SYNPO2L: variants seen among roughly 807,000 people sequenced by gnomAD.
The protein encoded by SYNPO2L is synaptopodin 2 like, also known as synaptopodin 2-like protein.
In SYNPO2L, 34 loss-of-function variants were observed where a neutral mutation model predicts 47.5. The ratio of observed to expected loss-of-function variants is 0.72; its 90% CI spans 0.54 to 0.95. The LOEUF (loss-of-function observed/expected upper bound fraction) is 0.95. SYNPO2L is among the 40% of genes least tolerant of loss of function. SYNPO2L has a pLI of 0.00. For synonymous variants in SYNPO2L, 536 were observed against 524.9 expected (o/e 1.02, Z -0.29); for missense variants, 1,246 against 1,282.0 (o/e 0.97, Z 0.43).
In SYNPO2L at chr10:73,645,491, T is replaced by C. The variant is rs111909088; in HGVS notation, c.*1227A>G. The C allele has an allele frequency of 3.7e-4, 371 of 992,614 alleles. 11 individuals are homozygous for C. The African/African-American group carries it at 5.6e-3, about 15-fold the overall frequency. The allele number at this position is 992,614 out of a possible 1,614,324, so 61.5% of individuals were successfully genotyped here. A position where few individuals can be genotyped will look rare whatever the true frequency, so the allele number is the denominator to read the frequency against. On this transcript the variant is annotated 3_prime_UTR_variant, in exon 4 of 4. Transcript: ENST00000394810. ...CTCATGAGGCAATGAAGCCAATGAT[T>C]TGTTCATTCTCGGAGGGAATTTTCT...
chr10:73,650,736 A>G (rs1442901570), intron 3 of SYNPO2L: 4 of 985,392 alleles, frequency 4.1e-6, no homozygotes, highest in Non-Finnish European at 4.8e-6. Flanking sequence ...TTGACATGTG[A>G]CCACAGCATC....
In SYNPO2L at chr10:73,655,923, C is replaced by A; in HGVS notation, c.-1G>T. 1.3e-6 allele frequency: 2 copies of A among 1,550,464 alleles called. No homozygotes were observed. Among genetic ancestry groups the A allele is most frequent in the Non-Finnish European group, 1.7e-6 (2 of 1,146,514 alleles). On this transcript the variant is annotated 5_prime_UTR_variant, in exon 1 of 4. Coordinates refer to ENST00000394810, the MANE Select transcript of SYNPO2L (RefSeq NM_001114133.3). ...CCAGCACCTCCTCCTCAGCACCCAT[C>A]GCTCAGCTTGGCCTATGGCCCCCGG...
chr10:73,645,742 T>C lies in SYNPO2L; in HGVS notation c.*976A>G. On this transcript the variant is annotated 3_prime_UTR_variant, in exon 4 of 4. Transcript: ENST00000394810. ...TGGTCTCTAAGGAGTTATTCTCTAG[T>C]GAATCTCTTTCTCCCACTCAACTCC... The C allele has an allele frequency of 1.0e-6, 1 of 985,952 alleles. No individual in the cohort carries two copies. The highest frequency in any genetic ancestry group is 1.2e-6 in the Non-Finnish European group (1 of 830,000). 61.1% of individuals were successfully genotyped at this position (985,952 alleles called of 1,614,324 possible). A position where few individuals can be genotyped will look rare whatever the true frequency, so the allele number is the denominator to read the frequency against.
In SYNPO2L at chr10:73,647,729, C is replaced by A. The variant is rs113374956; in HGVS notation, c.1923G>T (p.Lys641Asn). ...GGTTGGGCGAGTTCTTCGTCTCCTCCTTTCCCGGCCGGAACATCTGCTTCC... is the reference window on the plus strand; with the variant it reads ...GGTTGGGCGAGTTCTTCGTCTCCTCATTTCCCGGCCGGAACATCTGCTTCC... The part of the protein sequence containing the change: ...GTRKQMFRPG[K>N]EETKNSPNPE... Residue 641 changes from lysine (K) to asparagine (N), a missense_variant, in exon 4 of 4, where the codon AAG becomes AAT. By Grantham distance (94) the Lys-to-Asn change is moderately conservative (BLOSUM62 0). This residue lies in a region of SYNPO2L where 1,037 missense variants were observed against 1,021.5 expected (regional missense o/e 1.02). Transcript: ENST00000394810. The A allele has an allele frequency of 5.6e-6, 9 of 1,614,124 alleles. No individual in the cohort carries two copies. In the Admixed American group the frequency reaches 1.3e-4, roughly 24 times the overall value.
chr10:73,651,095 G>T, intron 3 of SYNPO2L: 1 of 1,453,750 alleles, frequency 6.9e-7, no homozygotes, highest in Non-Finnish European at 9.1e-7. Flanking sequence ...CCCCAGAGCT[G>T]GCAGCTGAAT....
At position 73,648,518 on chromosome 10, in the gene SYNPO2L, C is replaced by T. The variant is rs760050486; in HGVS notation, c.1134G>A (p.Gly378=). 1.9e-6 allele frequency: 3 copies of T among 1,614,034 alleles called. No individual in the cohort carries two copies. Among genetic ancestry groups the T allele is most frequent in the Non-Finnish European group, 2.5e-6 (3 of 1,179,986 alleles). Residue 378 remains glycine, a synonymous_variant, in exon 4 of 4, where the codon GGG becomes GGA. Transcript: ENST00000394810. ...ASEGQGSGLG[G]QLSEVSGRGV... ...CTCGCCCAGAGACCTCACTCAGCTG[C>T]CCTCCCAGCCCAGAGCCCTGGCCCT...
rs1263738370 is a variant in SYNPO2L at position 73,647,041 on chromosome 10, G to A, written c.2611C>T (p.Pro871Ser). Reference protein sequence around the residue: ...MFCFDEVPPTPGPIASGSPKT... With the variant: ...MFCFDEVPPTSGPIASGSPKT... ...GGGGACCCTGAGGCGATAGGGCCAG[G>A]AGTCGGGGGAACCTCATCAAAACAG... Residue 871 changes from proline (P) to serine (S), a missense_variant, in exon 4 of 4, where the codon CCT becomes TCT. This residue lies in a region of SYNPO2L where 1,037 missense variants were observed against 1,021.5 expected (regional missense o/e 1.02). Coordinates refer to ENST00000394810, the MANE Select transcript of SYNPO2L (RefSeq NM_001114133.3). 1 of 1,613,984 alleles carries A rather than the reference G, an allele frequency of 6.2e-7. No homozygotes were observed.
chr10:73,646,036 G>C lies in SYNPO2L; in HGVS notation c.*682C>G, dbSNP rs188178616. 212 of 953,642 alleles carry C rather than the reference G, an allele frequency of 2.2e-4. 1 individual carries two copies. The East Asian group carries it at 0.017, about 78-fold the overall frequency. 59.1% of individuals were successfully genotyped at this position (953,642 alleles called of 1,614,324 possible). A position where few individuals can be genotyped will look rare whatever the true frequency, so the allele number is the denominator to read the frequency against. On this transcript the variant is annotated 3_prime_UTR_variant, in exon 4 of 4. Transcript: ENST00000394810. ...AAATGGGGTTTCACCGTGTTAGCCA[G>C]GATGGTCTCGATCTCCTGACCTCGT... is the stretch of plus-strand genomic sequence containing the variant.
chr10:73,647,461 AT>A lies in SYNPO2L; in HGVS notation c.2190del (p.Ser731LeufsTer9), dbSNP rs756499481. 7 of 1,598,502 alleles carry A rather than the reference AT, an allele frequency of 4.4e-6. No homozygotes were observed. Among genetic ancestry groups the A allele is most frequent in the Non-Finnish European group, 6.0e-6 (7 of 1,170,422 alleles). Reference protein sequence around the residue: ...KTPPPVAPKPPSRGLLDGLVN... With the variant: ...KTPPPVAPKPXSRGLLDGLVN... ...ACGAGCCCATCAAGGAGCCCTCGAG[AT>A]GGGGGCTTAGGAGCCACTGGGGGTG... On this transcript the variant is annotated frameshift_variant, in exon 4 of 4. Transcript: ENST00000394810. LOFTEE classifies it high-confidence loss of function.
Position 73,648,227 on chromosome 10 carries a change from T to C in SYNPO2L, c.1425A>G (p.Leu475=), listed in dbSNP as rs1047748267. ...NRSARPFTPG[L]QGQRPTTTSV... is the part of the protein sequence containing the mutation. Reference sequence around the variant, plus strand: ...AGGTGGTAGTTGGCCGCTGCCCTTGTAGGCCCGGGGTAAAGGGCCTGGCTG... The same window carrying C: ...AGGTGGTAGTTGGCCGCTGCCCTTGCAGGCCCGGGGTAAAGGGCCTGGCTG... Residue 475 remains leucine, a synonymous_variant, in exon 4 of 4, where the codon CTA becomes CTG. Transcript: ENST00000394810. 3 of 1,585,088 alleles carry C rather than the reference T, an allele frequency of 1.9e-6. No individual in the cohort carries two copies. The highest frequency in any genetic ancestry group is 2.2e-5 in the East Asian group (1 of 44,492).
intron 3 of SYNPO2L, chr10:73,650,389 T>G: frequency 1.7e-6 from 1 of 574,328 alleles, no homozygotes; most frequent in Non-Finnish European, 2.2e-6. Flanking sequence ...CAGAGTTCAG[T>G]TCAGGTTTTT....
chr10:73,655,261 G>A (rs189992234), intron 1 of SYNPO2L, among the ~76,000 whole-genome samples: 10 of 152,224 alleles, frequency 6.6e-5, no homozygotes, highest in Middle Eastern at 3.4e-3. Context: ...AAAGGATAAT[G>A]ACTTCATCTG....
chr10:73,650,416 A>T (rs1374619054), intron 3 of SYNPO2L, among the ~76,000 whole-genome samples: 1 of 152,160 alleles, frequency 6.6e-6, no homozygotes, highest in Non-Finnish European at 1.5e-5. Flanking sequence ...TGGGATAGTT[A>T]CCTCACCTCA....
intron 3 of SYNPO2L, among the ~76,000 whole-genome samples, chr10:73,652,095 A>G (rs1318117755): frequency 1.8e-5 from 2 of 111,858 alleles, no homozygotes; most frequent in Non-Finnish European, 3.2e-5. Context: ...AAAAAACCAG[A>G]AAAAAAAAAG....
At chr10:73,650,762 G>A (rs1564994042) in intron 3 of SYNPO2L, 1 of 1,322,042 alleles carries the variant, frequency 7.6e-7, no homozygotes, top group Non-Finnish European at 9.7e-7. Flanking sequence ...GAAAGGGGCA[G>A]TGAAACTCTC....
chr10:73,654,941 C>T (rs1212902465), intron 1 of SYNPO2L, among the ~76,000 whole-genome samples: 1 of 152,136 alleles, frequency 6.6e-6, no homozygotes, highest in Non-Finnish European at 1.5e-5. Context: ...CTCTACTAGG[C>T]CTTGTAACCC....
chr10:73,647,972 G>A lies in SYNPO2L; in HGVS notation c.1680C>T (p.Thr560=), dbSNP rs745364754. The change falls in exon 4 of 4, where the codon ACC becomes ACT. Residue 560 remains threonine (T), a synonymous_variant. Transcript: ENST00000394810. ...CGGGGGGCTCTGGAGCTCCACCTGG[G>A]GTGACAGGCCGACTAGGGGCTGGGA... The part of the protein sequence containing the change: ...LYIPAPSRPV[T]PGGAPEPPAP... The A allele has an allele frequency of 1.9e-6, 3 of 1,541,328 alleles. No individual in the cohort carries two copies. The highest frequency in any genetic ancestry group is 1.8e-4 in the Middle Eastern group (1 of 5,690).
Position 73,648,876 on chromosome 10 carries a change from A to C in SYNPO2L, c.776T>G (p.Leu259Arg). 6.7e-7 allele frequency: 1 copy of C among 1,503,706 alleles called. No individual in the cohort carries two copies. The highest frequency in any genetic ancestry group is 8.9e-7 in the Non-Finnish European group (1 of 1,129,808). The allele number at this position is 1,503,706 out of a possible 1,614,324, so 93.1% of individuals were successfully genotyped here. The change falls in exon 4 of 4, where the codon CTG (leucine) becomes CGG (arginine). Residue 259 changes from leucine to arginine, a missense_variant. Coordinates refer to ENST00000394810, the MANE Select transcript of SYNPO2L (RefSeq NM_001114133.3). Reference sequence around the variant, plus strand: ...CTCTTGGAGGCTCTCTGCACGTTGCAGTTCTGGGGAGGCCAAGAGGTAAAA... The same window carrying C: ...CTCTTGGAGGCTCTCTGCACGTTGCCGTTCTGGGGAGGCCAAGAGGTAAAA... Reference protein sequence around the residue: ...TYTQKAKQAKLQRAESLQEKS... With the variant: ...TYTQKAKQAKRQRAESLQEKS...
Position 73,648,866 on chromosome 10 carries a change from T to A in SYNPO2L, c.786A>T (p.Ala262=). Residue 262 remains alanine, a synonymous_variant, in exon 4 of 4, where the codon GCA becomes GCT. Transcript: ENST00000394810. ...TTATGCTCTTCTCTTGGAGGCTCTC[T>A]GCACGTTGCAGTTCTGGGGAGGCCA... ...QKAKQAKLQR[A]ESLQEKSIKE... The A allele has an allele frequency of 6.6e-7, 1 of 1,522,248 alleles. No individual in the cohort carries two copies. The highest frequency in any genetic ancestry group is 8.8e-7 in the Non-Finnish European group (1 of 1,136,458). 94.3% of individuals were successfully genotyped at this position (1,522,248 alleles called of 1,614,324 possible).
Sources: allele counts gnomAD v4.1 joint callset (sites outside exome capture counted in the v4.1 genomes callset), GRCh38; gene constraint gnomAD v4.1.1; regional missense constraint gnomAD v4.1.1; transcripts MANE v1.5; gene names NCBI Gene and HGNC (gene_info 2026-07-23, HGNC 2026-07-21).